Variants in CDC16 observed in about 807,000 individuals in gnomAD.
CDC16 encodes the protein cell division cycle protein 16 homolog.
In CDC16, 34 loss-of-function variants were observed where a neutral mutation model predicts 87.0. That is an observed-to-expected ratio of 0.39 (90% CI 0.30 to 0.52). The LOEUF (loss-of-function observed/expected upper bound fraction) is 0.52, where lower values mean the gene tolerates loss of function less well. Among genes scored for constraint, CDC16 ranks in the 20% least tolerant of loss-of-function variants. CDC16 has a pLI of 0.74. For missense variants in CDC16, 653 were observed against 751.9 expected, an observed-to-expected ratio of 0.87 and a Z score of 1.54; for synonymous variants, 263 against 260.6, an observed-to-expected ratio of 1.01 and a Z score of -0.09.
chr13:114,259,192 G>T, intron 13 of CDC16, 143 bp from the exon 14 acceptor site: 2 of 502,458 alleles, frequency 4.0e-6, no homozygotes, highest in Non-Finnish European at 6.9e-6. Flanking sequence ...AATCATTTGT[G>T]ACTTAACTTT....
chr13:114,268,167 AT>A (rs912236218), intron 17 of CDC16, among the ~76,000 whole-genome samples: 10 of 152,172 alleles, frequency 6.6e-5, no homozygotes, highest in Non-Finnish European at 8.8e-5. Flanking sequence ...GAGCAGAGGG[AT>A]CCCCACATGG....
intron 1 of CDC16, among the ~76,000 whole-genome samples, chr13:114,236,110 C>T (rs1258581629): frequency 6.6e-6 from 1 of 152,130 alleles, no homozygotes; most frequent in South Asian, 2.1e-4. Flanking sequence ...ATTGTCGGCT[C>T]CTTCATTTTT....
chr13:114,249,162 A>G (rs942561909), intron 11 of CDC16, among the ~76,000 whole-genome samples: 2 of 151,672 alleles, frequency 1.3e-5, no homozygotes, highest in Non-Finnish European at 2.9e-5. Flanking sequence ...AGACAGCGAC[A>G]GGTCATCAGG....
At chr13:114,245,812 C>A in intron 9 of CDC16, 188 bp from the exon 10 acceptor site, 1 of 535,418 alleles carries the variant, frequency 1.9e-6, no homozygotes, top group South Asian at 2.2e-5. Flanking sequence ...CTGTTCCCAC[C>A]TTGCCCACAG....
chr13:114,256,144 T>A (rs1175736130), intron 12 of CDC16, among the ~76,000 whole-genome samples: 1 of 152,222 alleles, frequency 6.6e-6, no homozygotes, highest in Admixed American at 6.5e-5. Context: ...CTTACTGAGA[T>A]TTAGCCATCT....
chr13:114,241,922 C>T (rs1458829379), intron 5 of CDC16, among the ~76,000 whole-genome samples, 199 bp from the exon 6 acceptor site: 3 of 152,098 alleles, frequency 2.0e-5, no homozygotes, highest in African/African-American at 7.2e-5. Context: ...TGGTATTGTG[C>T]ACCTGTAATC....
rs1160235943 is a variant in CDC16, at chr13:114,238,981, C to T, written c.202-9C>T. ...GACCACTACTTAAACAAATTAATTT[C>T]TTTCCTAGTTGTATGAAGCATGTCG... is the stretch of plus-strand genomic sequence containing the variant. On this transcript the variant is annotated splice_polypyrimidine_tract_variant and intron_variant, in intron 3 of 17. Transcript: ENST00000356221. The T allele has an allele frequency of 6.2e-7, 1 of 1,607,658 alleles. No homozygotes were observed. The highest frequency in any genetic ancestry group is 8.5e-7 in the Non-Finnish European group (1 of 1,175,952).
At chr13:114,239,057 T>C (rs756587551) in intron 4 of CDC16, 29 bp downstream of exon 4, 7 of 1,606,888 alleles carry the variant, frequency 4.4e-6, no homozygotes, top group Middle Eastern at 1.8e-4. Flanking sequence ...TCATTTTTAT[T>C]TGGTTGAATA....
intron 5 of CDC16, among the ~76,000 whole-genome samples, chr13:114,241,389 G>T (rs544877297): frequency 6.6e-6 from 1 of 152,344 alleles, no homozygotes; most frequent in South Asian, 2.1e-4. Flanking sequence ...GCAGGCCATT[G>T]TGCTGACTGC....
intron 14 of CDC16, among the ~76,000 whole-genome samples, chr13:114,261,530 G>A (rs2082861375): frequency 6.6e-6 from 1 of 151,964 alleles, no homozygotes; most frequent in Admixed American, 6.6e-5. Context: ...TGGGTGTGGT[G>A]TGTGGTGCAC....
In CDC16 at chr13:114,241,323, C is replaced by T. The variant is rs111410009; in HGVS notation, c.382-798C>T. Among the ~76,000 whole-genome samples, 694 of 152,258 alleles carry T rather than the reference C, an allele frequency of 4.6e-3. 5 individuals carry two copies. The highest frequency in any genetic ancestry group is 8.4e-3 in the Non-Finnish European group (569 of 68,020). ...GCCAAGAGAGGTTCAATCACTTGTC[C>T]GAGGTTACAAGTAATTGGCAGAGCT... On this transcript the variant is annotated intron_variant, in intron 5 of 17. Transcript: ENST00000356221.
chr13:114,261,520 T>TG (rs2082860246), intron 14 of CDC16, among the ~76,000 whole-genome samples: 1 of 151,222 alleles, frequency 6.6e-6, no homozygotes. Context: ...CAGGGAGAGA[T>TG]GGGTGTGGTG....
In CDC16 at chr13:114,236,715, C is replaced by G; in HGVS notation, c.103+16C>G. 1 of 1,613,368 alleles carries G rather than the reference C, an allele frequency of 6.2e-7. No individual in the cohort carries two copies. The highest frequency in any genetic ancestry group is 8.5e-7 in the Non-Finnish European group (1 of 1,179,896). ...CTCTCTCGTGGTAAGTGACAAAATG[C>G]TAACTGGTTTTCTGATTAATCTTAA... On this transcript the variant is annotated intron_variant, in intron 2 of 17. Coordinates refer to ENST00000356221, the MANE Select transcript of CDC16 (RefSeq NM_001078645.3).
At chr13:114,262,032 C>A in intron 15 of CDC16, 84 bp downstream of exon 15, 1 of 786,340 alleles carries the variant, frequency 1.3e-6, no homozygotes, top group Non-Finnish European at 2.1e-6. Context: ...ATTCTTATTT[C>A]ATGAGATCAA....
intron 13 of CDC16, 58 bp from the exon 14 acceptor site, chr13:114,259,277 T>G (rs1218489128): frequency 1.5e-6 from 2 of 1,303,750 alleles, no homozygotes; most frequent in Non-Finnish European, 1.1e-6. Flanking sequence ...AAAAATTTTT[T>G]TAAAGTTTAT....
chr13:114,256,502 G>A (rs2082506113), intron 12 of CDC16, among the ~76,000 whole-genome samples: 1 of 152,206 alleles, frequency 6.6e-6, no homozygotes, highest in South Asian at 2.1e-4. Flanking sequence ...TCCCAATCGT[G>A]TGAACAGATG....
chr13:114,265,922 T>G (rs925496327), intron 17 of CDC16, among the ~76,000 whole-genome samples: 5 of 152,166 alleles, frequency 3.3e-5, no homozygotes, highest in African/African-American at 1.2e-4. Context: ...TTCAAGCTAT[T>G]CTCCTACCTC....
intron 8 of CDC16, 49 bp downstream of exon 8, chr13:114,244,038 CTTACCT>C (rs764020668): frequency 1.5e-6 from 2 of 1,329,122 alleles, no homozygotes; most frequent in Non-Finnish European, 2.1e-6. Context: ...TTCACTCCAT[CTTACCT>C]AGGTGATTCA....
chr13:114,272,535 G>C lies in CDC16; in HGVS notation c.*92G>C. On this transcript the variant is annotated 3_prime_UTR_variant, in exon 18 of 18. Coordinates refer to ENST00000356221, the MANE Select transcript of CDC16 (RefSeq NM_001078645.3). ...GCTTAAGAATGTCCCACTTCCTAAC[G>C]TGACTCCAAACTGCATCTCTACATT... is the stretch of plus-strand genomic sequence containing the variant. The C allele has an allele frequency of 8.9e-7, 1 of 1,128,822 alleles. No individual in the cohort carries two copies. Among genetic ancestry groups the C allele is most frequent in the Non-Finnish European group, 1.3e-6 (1 of 791,112 alleles). 69.9% of individuals were successfully genotyped at this position (1,128,822 alleles called of 1,614,324 possible).
Sources: allele counts gnomAD v4.1 joint callset (sites outside exome capture counted in the v4.1 genomes callset), GRCh38; gene constraint gnomAD v4.1.1; transcripts MANE v1.5; gene names NCBI Gene and HGNC (gene_info 2026-07-23, HGNC 2026-07-21).